PRR5: variants seen among roughly 807,000 people sequenced by gnomAD.
The protein encoded by PRR5 is proline rich 5.
PRR5 carries 25 observed loss-of-function variants against 30.6 expected under a neutral mutation model. That is an observed-to-expected ratio of 0.82 (90% confidence interval 0.60 to 1.14). The LOEUF (loss-of-function observed/expected upper bound fraction) is 1.14, where lower values mean the gene tolerates loss of function less well. PRR5 is among the 50% of genes most tolerant of loss of function. The pLI is 0.00. For synonymous variants in PRR5, 286 were observed against 247.1 expected (o/e 1.16, Z -1.48); for missense variants, 600 against 547.1 (o/e 1.10, Z -0.96).
intron 1 of PRR5, among the ~76,000 whole-genome samples, chr22:44,704,679 CTT>C (rs887900163): frequency 6.6e-6 from 1 of 152,074 alleles, no homozygotes; most frequent in African/African-American, 2.4e-5. Flanking sequence ...CCTTAACTGA[CTT>C]TGCCACTCTC....
intron 1 of PRR5, among the ~76,000 whole-genome samples, chr22:44,681,462 C>A (rs536564056): frequency 2.6e-5 from 4 of 152,110 alleles, no homozygotes; most frequent in Admixed American, 2.6e-4. Flanking sequence ...ATGGTGGGTG[C>A]CTGTAATCCC....
chr22:44,722,368 A>G (rs1038538405), intron 2 of PRR5, among the ~76,000 whole-genome samples: 3 of 152,236 alleles, frequency 2.0e-5, no homozygotes, highest in African/African-American at 7.2e-5. Flanking sequence ...CTGCCCACAG[A>G]GCTGTGCAGG....
At chr22:44,679,933 G>A (rs759811390) in intron 1 of PRR5, 3 of 1,518,446 alleles carry the variant, frequency 2.0e-6, no homozygotes, top group Non-Finnish European at 2.7e-6. Flanking sequence ...GTGTATGGGT[G>A]AGGGTGAGTG....
At chr22:44,687,458 A>G (rs562112710) in intron 1 of PRR5, among the ~76,000 whole-genome samples, 4 of 152,248 alleles carry the variant, frequency 2.6e-5, no homozygotes, top group Middle Eastern at 3.2e-3. Context: ...ACCTAATCCC[A>G]GGCTAGAGCA....
upstream of PRR5, among the ~76,000 whole-genome samples, chr22:44,674,599 T>C (rs960710173): frequency 1.3e-5 from 2 of 151,922 alleles, no homozygotes; most frequent in African/African-American, 4.8e-5. Context: ...CAGGCGCCTG[T>C]AGTCCCAGCT....
Position 44,681,304 on chromosome 22 carries a change from G to A in PRR5, c.-11+4064G>A, listed in dbSNP as rs528143088. Among the ~76,000 whole-genome samples, 2 of 152,238 alleles carry A rather than the reference G, an allele frequency of 1.3e-5. 1 individual carries two copies. The highest frequency in any genetic ancestry group is 2.9e-5 in the Non-Finnish European group (2 of 68,010). On this transcript the variant is annotated intron_variant, in intron 1 of 8. Coordinates refer to the PRR5 transcript ENST00000006251. ...AAAATGTTAGTTAAAAAAAAAGTTTGGGAGGCCAGGCGCAGTGGCTTATGC... is the reference window on the plus strand; with the variant it reads ...AAAATGTTAGTTAAAAAAAAAGTTTAGGAGGCCAGGCGCAGTGGCTTATGC...
At chr22:44,730,887 C>T (rs1168268505) in intron 4 of PRR5, 1 of 458,842 alleles carries the variant, frequency 2.2e-6, no homozygotes, top group Non-Finnish European at 4.5e-6. Context: ...GGGTCGATCA[C>T]CCCTGGCTAC....
chr22:44,697,593 G>A (rs1182406143), upstream of PRR5, among the ~76,000 whole-genome samples: 4 of 152,222 alleles, frequency 2.6e-5, no homozygotes, highest in Admixed American at 2.6e-4. Context: ...GCCACCAGGG[G>A]GCGGACGTGC....
At chr22:44,687,288 A>G (rs1347148381) in intron 1 of PRR5, among the ~76,000 whole-genome samples, 1 of 152,212 alleles carries the variant, frequency 6.6e-6, no homozygotes, top group Non-Finnish European at 1.5e-5. Context: ...TGCATTTGGA[A>G]CATTACAATT....
chr22:44,672,476 CG>C (rs1424425765), upstream of PRR5, among the ~76,000 whole-genome samples: 2 of 152,014 alleles, frequency 1.3e-5, no homozygotes, highest in African/African-American at 4.8e-5. Flanking sequence ...CCCAGCTACT[CG>C]GGAGGCTGAG....
intron 4 of PRR5, chr22:44,729,574 C>G: frequency 2.0e-6 from 2 of 985,452 alleles, no homozygotes; most frequent in Non-Finnish European, 2.4e-6. Context: ...GTATCACGCC[C>G]CTTTCATAGA....
At chr22:44,674,293 T>C (rs114982235), upstream of PRR5, among the ~76,000 whole-genome samples, 1 of 152,028 alleles carries the variant, frequency 6.6e-6, no homozygotes, top group Admixed American at 6.6e-5. Context: ...TTGTTTTTTG[T>C]TTTTGGTTTT....
intron 3 of PRR5, among the ~76,000 whole-genome samples, chr22:44,726,276 G>A (rs890753342): frequency 6.6e-6 from 1 of 152,200 alleles, no homozygotes; most frequent in African/African-American, 2.4e-5. Context: ...TTCACTGTGG[G>A]ACATGCCAGG....
intron 5 of PRR5, 51 bp from the exon 6 acceptor site, chr22:44,732,199 AT>A: frequency 1.3e-6 from 2 of 1,595,282 alleles, no homozygotes; most frequent in Non-Finnish European, 8.5e-7. Flanking sequence ...GAGAGGGGAG[AT>A]GAGGACGCAT....
chr22:44,729,473 G>T (rs1264656211), intron 4 of PRR5: 9 of 985,484 alleles, frequency 9.1e-6, no homozygotes, highest in Non-Finnish European at 1.1e-5. Flanking sequence ...TGGAGCCAAG[G>T]TACGGCGCGC....
upstream of PRR5, among the ~76,000 whole-genome samples, chr22:44,698,800 C>T (rs1197307273): frequency 1.3e-5 from 2 of 152,228 alleles, no homozygotes; most frequent in Non-Finnish European, 2.9e-5. Flanking sequence ...TTTCCTCCGA[C>T]GCTGCAGGCC....
In PRR5 at chr22:44,737,019, C is replaced by G; in HGVS notation, c.939C>G (p.Pro313=). The change falls in exon 8 of 8, where the codon CCC becomes CCG. Residue 313 remains proline, a synonymous_variant. Coordinates refer to ENST00000336985, the MANE Select transcript of PRR5 (RefSeq NM_181333.4). ...GGACCTTCAGGTCCTCCCCGGCGCC[C>G]CACTCAGGGCCCTGCCCCAGCAGAC... ...PTGTFRSSPA[P]HSGPCPSRLY... 1 of 1,600,326 alleles carries G rather than the reference C, an allele frequency of 6.2e-7. No homozygotes were observed. The highest frequency in any genetic ancestry group is 1.7e-5 in the Admixed American group (1 of 59,818).
chr22:44,712,889 G>C (rs975476122), intron 1 of PRR5, among the ~76,000 whole-genome samples: 2 of 152,202 alleles, frequency 1.3e-5, no homozygotes, highest in East Asian at 1.9e-4. Flanking sequence ...AATCAGCAAA[G>C]TGCTAGTGGA....
intron 1 of PRR5, among the ~76,000 whole-genome samples, chr22:44,706,092 A>G (rs1057385303): frequency 5.3e-5 from 8 of 152,092 alleles, no homozygotes; most frequent in African/African-American, 1.9e-4. Context: ...GAGCCACCAC[A>G]CCAGGCTCCC....
Sources: allele counts gnomAD v4.1 joint callset (sites outside exome capture counted in the v4.1 genomes callset), GRCh38; gene constraint gnomAD v4.1.1; transcripts MANE v1.5; gene names NCBI Gene and HGNC (gene_info 2026-07-23, HGNC 2026-07-21).